Variants in ACYP1 observed in about 807,000 individuals in gnomAD.
The protein encoded by ACYP1 is acylphosphatase-1.
ACYP1 carries 8 observed loss-of-function variants against 10.4 expected under a neutral mutation model. That is an observed-to-expected ratio of 0.77 (90% CI 0.45 to 1.38). The LOEUF (loss-of-function observed/expected upper bound fraction) is 1.38. ACYP1 is among the 40% of genes most tolerant of loss of function. ACYP1 has a pLI of 0.00. For synonymous variants in ACYP1, 38 were observed against 40.8 expected (o/e 0.93, Z 0.26); for missense variants, 93 against 117.3 (o/e 0.79, Z 0.96).
intron 2 of ACYP1, among the ~76,000 whole-genome samples, chr14:75,055,230 G>A (rs1892847258): frequency 6.6e-6 from 1 of 150,886 alleles, no homozygotes; most frequent in African/African-American, 2.5e-5. Context: ...GGGACCACAG[G>A]CGCCCGCAAC....
intron 2 of ACYP1, among the ~76,000 whole-genome samples, chr14:75,062,677 AAAAAG>A (rs1893056965): frequency 1.3e-5 from 2 of 151,598 alleles, no homozygotes; most frequent in South Asian, 2.1e-4. Flanking sequence ...AAAAAAAAAA[AAAAAG>A]AAGTTTTGCA....
At chr14:75,057,445 C>T (rs1393323234) in intron 2 of ACYP1, among the ~76,000 whole-genome samples, 1 of 151,570 alleles carries the variant, frequency 6.6e-6, no homozygotes, top group Non-Finnish European at 1.5e-5. Flanking sequence ...ACAGATTCAA[C>T]TCAATCTCTA....
intron 2 of ACYP1, among the ~76,000 whole-genome samples, chr14:75,054,098 C>T (rs1323179355): frequency 6.6e-6 from 1 of 152,162 alleles, no homozygotes; most frequent in Non-Finnish European, 1.5e-5. Flanking sequence ...TAACCAGGAC[C>T]ACACGTAAAC....
intron 2 of ACYP1, among the ~76,000 whole-genome samples, chr14:75,055,321 T>C (rs1892850022): frequency 6.6e-6 from 1 of 151,180 alleles, no homozygotes; most frequent in Non-Finnish European, 1.5e-5. Context: ...TCTCCTGACC[T>C]CATGATCCGC....
chr14:75,064,128 G>A (rs1893101807), upstream of ACYP1: 3 of 755,434 alleles, frequency 4.0e-6, no homozygotes, highest in Non-Finnish European at 3.2e-6. Context: ...GCCCGGGCCC[G>A]CCCAGAAGGT....
chr14:75,067,125 T>G (rs528778969), upstream of ACYP1, among the ~76,000 whole-genome samples: 1 of 151,694 alleles, frequency 6.6e-6, no homozygotes, highest in South Asian at 2.1e-4. Context: ...TAAACACAGG[T>G]GAAACCTGAA....
chr14:75,061,957 G>A (rs954789211), intron 2 of ACYP1, among the ~76,000 whole-genome samples: 4 of 151,830 alleles, frequency 2.6e-5, no homozygotes, highest in East Asian at 1.9e-4. Flanking sequence ...CAAAATTAGC[G>A]GGGCATGGTG....
rs1819024346 is a variant in ACYP1 at position 75,053,299 on chromosome 14, T to C, written c.*145A>G. The stretch of plus-strand genomic sequence containing the variant: ...GTGTACAGTGGTAATCCTTCCATCA[T>C]ACAGGTAATATATAATAACATTCAA... On this transcript the variant is annotated 3_prime_UTR_variant, in exon 3 of 3. Transcript: ENST00000238618. 1.4e-6 allele frequency: 1 copy of C among 704,318 alleles called. No individual in the cohort carries two copies. The highest frequency in any genetic ancestry group is 2.6e-5 in the Admixed American group (1 of 38,716). The allele number at this position is 704,318 out of a possible 1,614,324, so 43.6% of individuals were successfully genotyped here.
intron 2 of ACYP1, among the ~76,000 whole-genome samples, chr14:75,062,534 GGCCGGGT>G (rs1893049759): frequency 6.6e-6 from 1 of 151,900 alleles, no homozygotes; most frequent in African/African-American, 2.4e-5. Context: ...CTGCAGTCCT[GGCCGGGT>G]GCGGTGGCTC....
chr14:75,056,326 T>C (rs1566617410), intron 2 of ACYP1, among the ~76,000 whole-genome samples: 1 of 151,586 alleles, frequency 6.6e-6, no homozygotes, highest in Non-Finnish European at 1.5e-5. Context: ...ATCCTCATAC[T>C]AAAACTAAAG....
intron 2 of ACYP1, among the ~76,000 whole-genome samples, chr14:75,062,746 T>C (rs1254199367): frequency 6.7e-6 from 1 of 148,338 alleles, no homozygotes; most frequent in African/African-American, 2.5e-5. Context: ...CAATAGCCAA[T>C]ACCTACAGAA....
chr14:75,068,560 CAGAG>C (rs1032446003), upstream of ACYP1, among the ~76,000 whole-genome samples: 34 of 150,330 alleles, frequency 2.3e-4, no homozygotes, highest in South Asian at 4.2e-4. Flanking sequence ...GAGAGAGAGA[CAGAG>C]AGAGAGAGAA....
intron 2 of ACYP1, among the ~76,000 whole-genome samples, chr14:75,057,942 G>A (rs1286673172): frequency 1.0e-5 from 1 of 98,948 alleles, no homozygotes; most frequent in East Asian, 3.5e-4. Context: ...TTTAGCCTAG[G>A]CAACAGAGCA....
chr14:75,065,395 C>T (rs1893126150), upstream of ACYP1, among the ~76,000 whole-genome samples: 1 of 152,202 alleles, frequency 6.6e-6, no homozygotes, highest in Non-Finnish European at 1.5e-5. Context: ...ATCATACAAC[C>T]TTAGTGCTGA....
At chr14:75,062,152 T>G (rs1594795911) in intron 2 of ACYP1, among the ~76,000 whole-genome samples, 1 of 138,210 alleles carries the variant, frequency 7.2e-6, no homozygotes. Flanking sequence ...AGGTATTGGC[T>G]GGGTATGGTC....
At chr14:75,068,560 C>CAG (rs1032446003), upstream of ACYP1, among the ~76,000 whole-genome samples, 2 of 150,210 alleles carry the variant, frequency 1.3e-5, no homozygotes, top group Admixed American at 6.6e-5. Context: ...GAGAGAGAGA[C>CAG]AGAGAGAGAG....
chr14:75,069,294 TGCG>T, exon 1 of ACYP1: 1 of 1,433,826 alleles, frequency 7.0e-7, no homozygotes, highest in Non-Finnish European at 9.0e-7. Flanking sequence ...GCCGGCATCC[TGCG>T]GCGGAAGCAC....
upstream of ACYP1, chr14:75,064,162 G>C (rs1028639309): frequency 7.5e-6 from 3 of 398,516 alleles, no homozygotes; most frequent in Non-Finnish European, 1.0e-5. Context: ...GCGGTTGTCC[G>C]GCAACCCAAA....
chr14:75,058,554 G>A (rs1892940927), intron 2 of ACYP1, among the ~76,000 whole-genome samples: 1 of 151,198 alleles, frequency 6.6e-6, no homozygotes, highest in South Asian at 2.1e-4. Context: ...ACTCATGAGG[G>A]ACCTGGCCCC....
Sources: gnomAD v4.1 joint callset for allele counts (sites outside exome capture counted in the v4.1 genomes callset) on GRCh38, gnomAD v4.1.1 for gene constraint, MANE v1.5 for transcripts, NCBI Gene and HGNC (gene_info 2026-07-23, HGNC 2026-07-21) for gene names.